The following RPRD1A variants were observed in gnomAD, a reference collection of about 807,000 sequenced individuals.
The protein encoded by RPRD1A is regulation of nuclear pre-mRNA domain containing 1A, also known as regulation of nuclear pre-mRNA domain-containing protein 1A.
A neutral mutation model predicts 37.8 loss-of-function variants in RPRD1A; 9 were observed. The ratio of observed to expected loss-of-function variants is 0.24; its 90% CI spans 0.14 to 0.42. The LOEUF (loss-of-function observed/expected upper bound fraction) is 0.42, where lower values mean the gene tolerates loss of function less well. RPRD1A is among the 10% of genes least tolerant of loss of function. The probability of loss-of-function intolerance (pLI) is 1.00; values close to 1 mark genes in which losing one functional copy is unlikely to be tolerated. For synonymous variants in RPRD1A, 138 were observed against 139.7 expected (o/e 0.99, Z 0.08); for missense variants, 255 against 371.0 (o/e 0.69, Z 2.57).
intron 1 of RPRD1A, among the ~76,000 whole-genome samples, chr18:36,043,844 C>T (rs1912769539): frequency 6.6e-6 from 1 of 152,094 alleles, no homozygotes; most frequent in Admixed American, 6.5e-5. Flanking sequence ...ACAGTTGACC[C>T]TTCAACAATT....
chr18:36,054,941 T>C (rs765383518), intron 1 of RPRD1A, among the ~76,000 whole-genome samples: 8 of 152,222 alleles, frequency 5.3e-5, no homozygotes, highest in Non-Finnish European at 1.2e-4. Flanking sequence ...TTTCGTTCTA[T>C]TTATGTCTTC....
chr18:36,037,648 G>C (rs1353968067), intron 1 of RPRD1A, among the ~76,000 whole-genome samples: 1 of 152,226 alleles, frequency 6.6e-6, no homozygotes, highest in African/African-American at 2.4e-5. Context: ...GGTTGGAACA[G>C]TTTGGAGGGC....
rs148046934 is a variant in RPRD1A at position 36,041,460 on chromosome 18, T to C, written c.152-7623A>G. ...CTGTTTCTTTTAGTTCAGAAAAGCA[T>C]GGAGATAGATCTAATTCAGTTCCTT... On this transcript the variant is annotated intron_variant, in intron 1 of 6. Coordinates refer to ENST00000399022, the MANE Select transcript of RPRD1A (RefSeq NM_018170.5). Among the ~76,000 whole-genome samples the C allele has an allele frequency of 9.5e-3, 1,444 of 152,326 alleles. 17 individuals are homozygous for C. The highest frequency in any genetic ancestry group is 0.016 in the Non-Finnish European group (1,086 of 68,020).
chr18:35,993,846 T>C (rs1018391620), intron 6 of RPRD1A, among the ~76,000 whole-genome samples: 40 of 152,154 alleles, frequency 2.6e-4, no homozygotes, highest in African/African-American at 8.7e-4. Context: ...CCCAACTACC[T>C]GGTGCTGAAG....
At chr18:36,005,319 A>T (rs188722548) in intron 6 of RPRD1A, among the ~76,000 whole-genome samples, 389 of 152,270 alleles carry the variant, frequency 2.6e-3, no homozygotes, top group South Asian at 4.6e-3. Flanking sequence ...TAAAATAAAA[A>T]AAAACTGCAT....
At chr18:36,035,385 C>T (rs914926770) in intron 1 of RPRD1A, among the ~76,000 whole-genome samples, 1 of 152,182 alleles carries the variant, frequency 6.6e-6, no homozygotes, top group Non-Finnish European at 1.5e-5. Context: ...TATCTCAATC[C>T]TAACAATATG....
At chr18:36,044,806 G>T (rs1442898758) in intron 1 of RPRD1A, among the ~76,000 whole-genome samples, 3 of 152,264 alleles carry the variant, frequency 2.0e-5, no homozygotes, top group Non-Finnish European at 2.9e-5. Flanking sequence ...AAGGATAAAA[G>T]TGATTTTAAA....
At chr18:36,024,595 T>A (rs1004381503) in intron 6 of RPRD1A, among the ~76,000 whole-genome samples, 1 of 152,208 alleles carries the variant, frequency 6.6e-6, no homozygotes, top group Admixed American at 6.5e-5. Flanking sequence ...TTAAGAAATA[T>A]GAAATGGCCA....
intron 1 of RPRD1A, among the ~76,000 whole-genome samples, chr18:36,034,812 T>C (rs186418967): frequency 6.6e-6 from 1 of 152,192 alleles, no homozygotes; most frequent in Non-Finnish European, 1.5e-5. Context: ...ATGTTAAGTA[T>C]TCAATTTACA....
intron 1 of RPRD1A, among the ~76,000 whole-genome samples, chr18:36,050,260 C>T (rs75276579): frequency 6.7e-6 from 1 of 149,280 alleles, no homozygotes; most frequent in Non-Finnish European, 1.5e-5. Context: ...AAAAAAAAAA[C>T]AGGGTCTCAC....
At chr18:36,038,347 G>A (rs150779689) in intron 1 of RPRD1A, among the ~76,000 whole-genome samples, 1 of 152,360 alleles carries the variant, frequency 6.6e-6, no homozygotes, top group East Asian at 1.9e-4. Flanking sequence ...GCTAAAAGGG[G>A]CCAGGGCACA....
At chr18:36,048,063 CT>C (rs1156933838) in intron 1 of RPRD1A, among the ~76,000 whole-genome samples, 10,276 of 114,406 alleles carry the variant, frequency 0.09, 243 homozygotes, top group African/African-American at 0.15. Context: ...GTACCCATTC[CT>C]TTTTTTTTTT....
At chr18:36,008,306 A>G (rs1455681289) in intron 6 of RPRD1A, among the ~76,000 whole-genome samples, 1 of 151,860 alleles carries the variant, frequency 6.6e-6, no homozygotes, top group African/African-American at 2.4e-5. Flanking sequence ...GACTGTGTGC[A>G]GTAGCTTATA....
chr18:36,041,542 A>AAATTTT (rs1912580143), intron 1 of RPRD1A, among the ~76,000 whole-genome samples: 1 of 152,250 alleles, frequency 6.6e-6, no homozygotes, highest in African/African-American at 2.4e-5. Context: ...TGCAACAAAC[A>AAATTTT]AATTAAAAAC....
At chr18:36,026,821 CAT>C in intron 6 of RPRD1A, 77 bp downstream of exon 6, 1 of 1,369,884 alleles carries the variant, frequency 7.3e-7, no homozygotes, top group Non-Finnish European at 9.9e-7. Flanking sequence ...AAAATGTGCA[CAT>C]AGATTAAAAT....
intron 1 of RPRD1A, among the ~76,000 whole-genome samples, chr18:36,060,935 C>T (rs1443549488): frequency 1.3e-5 from 2 of 151,944 alleles, no homozygotes; most frequent in African/African-American, 4.8e-5. Context: ...TCAAGAGCAG[C>T]CTCGGCAACA....
rs1908666666 is a variant in RPRD1A at position 35,990,613 on chromosome 18, A to T, written c.*2538T>A. The T allele has an allele frequency of 6.6e-6, 1 of 152,226 alleles. No homozygotes were observed. Among genetic ancestry groups the T allele is most frequent in the African/African-American group, 2.4e-5 (1 of 41,444 alleles). 9.4% of individuals were successfully genotyped at this position (152,226 alleles called of 1,614,324 possible). A position where few individuals can be genotyped will look rare whatever the true frequency, so the allele number is the denominator to read the frequency against. On this transcript the variant is annotated 3_prime_UTR_variant, in exon 7 of 7. Coordinates refer to ENST00000399022, the MANE Select transcript of RPRD1A (RefSeq NM_018170.5). ...TCTCTGCACTGTATGTGGAGAAAAGAGTGATGGCATCCATTCAAACCATAG... is the reference window on the plus strand; with the variant it reads ...TCTCTGCACTGTATGTGGAGAAAAGTGTGATGGCATCCATTCAAACCATAG...
chr18:36,018,475 G>C (rs528706356), intron 6 of RPRD1A, among the ~76,000 whole-genome samples: 1 of 152,078 alleles, frequency 6.6e-6, no homozygotes, highest in South Asian at 2.1e-4. Flanking sequence ...GGGTTTCACC[G>C]TGATAGCCAG....
chr18:36,010,292 G>A (rs1454227655), intron 6 of RPRD1A, among the ~76,000 whole-genome samples: 1 of 151,444 alleles, frequency 6.6e-6, no homozygotes, highest in Non-Finnish European at 1.5e-5. Context: ...AACACAGCAA[G>A]ACCTTGTCTC....
Sources: allele counts gnomAD v4.1 joint callset (sites outside exome capture counted in the v4.1 genomes callset), GRCh38; gene constraint gnomAD v4.1.1; transcripts MANE v1.5; gene names NCBI Gene and HGNC (gene_info 2026-07-23, HGNC 2026-07-21).